ROBO2: variants seen among roughly 807,000 people sequenced by gnomAD.
ROBO2 encodes roundabout guidance receptor 2.
Under a neutral mutation model 160.8 loss-of-function variants are expected in ROBO2, and 53 were observed. That is an observed-to-expected ratio of 0.33 (90% CI 0.26 to 0.41). The LOEUF (loss-of-function observed/expected upper bound fraction) is 0.41, where lower values mean the gene tolerates loss of function less well. Among genes scored for constraint, ROBO2 ranks in the 10% least tolerant of loss-of-function variants. ROBO2 has a pLI of 1.00. For synonymous variants in ROBO2, 664 were observed against 611.7 expected (o/e 1.09, Z -1.26); for missense variants, 1,577 against 1,722.4 (o/e 0.92, Z 1.49).
At chr3:77,569,497 T>C (rs991583246) in intron 13 of ROBO2, among the ~76,000 whole-genome samples, 3 of 152,018 alleles carry the variant, frequency 2.0e-5, no homozygotes, top group African/African-American at 7.2e-5. Flanking sequence ...TCTTGGTCCA[T>C]TTTTGGACAA....
At chr3:76,699,644 A>G (rs2093006008) in intron 2 of ROBO2, among the ~76,000 whole-genome samples, 2 of 152,290 alleles carry the variant, frequency 1.3e-5, no homozygotes, top group South Asian at 4.1e-4. Flanking sequence ...GTTTAAATAC[A>G]TTTCCAGGTT....
chr3:76,448,142 A>T (rs2077294395), intron 2 of ROBO2, among the ~76,000 whole-genome samples: 1 of 152,120 alleles, frequency 6.6e-6, no homozygotes, highest in Admixed American at 6.6e-5. Context: ...TTATAAAAAT[A>T]ATTTTCCAAG....
intron 16 of ROBO2, among the ~76,000 whole-genome samples, chr3:77,587,897 A>G (rs1355107061): frequency 6.6e-6 from 1 of 152,098 alleles, no homozygotes; most frequent in Non-Finnish European, 1.5e-5. Flanking sequence ...AATCTGCTAA[A>G]TAAGCCAATA....
At chr3:76,405,908 G>A (rs971208728) in intron 2 of ROBO2, among the ~76,000 whole-genome samples, 10 of 151,662 alleles carry the variant, frequency 6.6e-5, no homozygotes, top group Admixed American at 5.9e-4. Context: ...GTAATACACT[G>A]AAGGTTTTTG....
At chr3:77,415,645 A>G (rs955429555) in intron 2 of ROBO2, among the ~76,000 whole-genome samples, 5 of 152,088 alleles carry the variant, frequency 3.3e-5, no homozygotes, top group African/African-American at 1.2e-4. Context: ...AACCCAGGGT[A>G]GGGCACAGGT....
At chr3:76,626,959 G>A (rs555919414) in intron 2 of ROBO2, among the ~76,000 whole-genome samples, 523 of 152,222 alleles carry the variant, frequency 3.4e-3, no homozygotes, top group Non-Finnish European at 5.7e-3. Context: ...CAAAGTGCTG[G>A]GATTACAGGC....
intron 2 of ROBO2, among the ~76,000 whole-genome samples, chr3:76,262,588 C>T (rs571218189): frequency 2.6e-5 from 4 of 152,220 alleles, no homozygotes; most frequent in African/African-American, 9.6e-5. Flanking sequence ...TACTTATATA[C>T]TTGGGGTTGT....
intron 2 of ROBO2, among the ~76,000 whole-genome samples, chr3:76,714,625 G>A (rs9867288): frequency 0.016 from 2,417 of 152,162 alleles, 57 homozygotes; most frequent in African/African-American, 0.054. Context: ...AGTGACTAGG[G>A]GACCCCCATA....
At chr3:77,080,222 C>A (rs933468080) in intron 1 of ROBO2, among the ~76,000 whole-genome samples, 1 of 152,120 alleles carries the variant, frequency 6.6e-6, no homozygotes, top group African/African-American at 2.4e-5. Context: ...CCGTAAGTCA[C>A]GTACCTATTC....
At chr3:76,277,307 A>G (rs932393682) in intron 2 of ROBO2, among the ~76,000 whole-genome samples, 1 of 152,022 alleles carries the variant, frequency 6.6e-6, no homozygotes, top group Admixed American at 6.6e-5. Context: ...AACAACAGCA[A>G]CAACAAACAA....
At position 76,826,034 on chromosome 3, in the gene ROBO2, T is replaced by G. The variant is rs181048604; in HGVS notation, c.110-271980T>G. Among the ~76,000 whole-genome samples the G allele has an allele frequency of 3.3e-4, 50 of 150,460 alleles. 1 individual carries two copies. Among genetic ancestry groups the G allele is most frequent in the African/African-American group, 1.2e-3 (48 of 41,070 alleles). On this transcript the variant is annotated intron_variant, in intron 2 of 26. Coordinates refer to the ROBO2 transcript ENST00000487694. ...ATCAAAAGCATTCTTTTAGGCACAT[T>G]CAATCAGTGAGTTTGTGGGTTTTTT...
At chr3:76,675,543 G>A (rs1251384761) in intron 2 of ROBO2, among the ~76,000 whole-genome samples, 6 of 152,148 alleles carry the variant, frequency 3.9e-5, no homozygotes, top group Non-Finnish European at 8.8e-5. Context: ...ACAATGACCT[G>A]CAAATTAACC....
rs144290746 is a variant in ROBO2, at chr3:76,539,215, G to A, written c.110-558799G>A. On this transcript the variant is annotated intron_variant, in intron 2 of 26. Coordinates refer to the ROBO2 transcript ENST00000487694. Reference sequence around the variant, plus strand: ...GTCGGGGGATGAGAGGAAAGGGGAGGGAGAGCATTAGGATAAATATGTAAT... The same window carrying A: ...GTCGGGGGATGAGAGGAAAGGGGAGAGAGAGCATTAGGATAAATATGTAAT... Among the ~76,000 whole-genome samples the A allele has an allele frequency of 2.9e-4, 44 of 152,118 alleles. 2 individuals are homozygous for A. Among genetic ancestry groups the A allele is most frequent in the South Asian group, 2.7e-3 (13 of 4,816 alleles).
chr3:77,625,393 T>C (rs941084585), intron 23 of ROBO2, among the ~76,000 whole-genome samples: 1 of 152,036 alleles, frequency 6.6e-6, no homozygotes. Context: ...CTTCTTTTTT[T>C]TTTTTGTCGG....
chr3:76,908,809 A>G (rs534600834), intron 2 of ROBO2, among the ~76,000 whole-genome samples: 7 of 152,256 alleles, frequency 4.6e-5, no homozygotes, highest in Non-Finnish European at 7.3e-5. Flanking sequence ...TGGGTTGATT[A>G]GAATTATAAC....
chr3:77,245,167 C>T (rs564776163), intron 2 of ROBO2, among the ~76,000 whole-genome samples: 77 of 152,132 alleles, frequency 5.1e-4, no homozygotes, highest in Admixed American at 2.4e-3. Flanking sequence ...TTTAATAAGG[C>T]GCCTGTCATA....
intron 17 of ROBO2, 29 bp from the exon 19 acceptor site, chr3:77,595,113 C>T (rs1242359845): frequency 1.3e-6 from 2 of 1,587,354 alleles, no homozygotes; most frequent in African/African-American, 1.3e-5. Context: ...CTTGTGTGTG[C>T]ATGTCTTCCT....
intron 2 of ROBO2, among the ~76,000 whole-genome samples, chr3:76,657,714 A>G (rs28863796): frequency 7.4e-6 from 1 of 135,746 alleles, no homozygotes; most frequent in African/African-American, 3.3e-5. Context: ...ATATGTGTGT[A>G]TATATATTCA....
At chr3:76,676,026 C>T (rs1298870221) in intron 2 of ROBO2, among the ~76,000 whole-genome samples, 1 of 152,068 alleles carries the variant, frequency 6.6e-6, no homozygotes, top group Non-Finnish European at 1.5e-5. Flanking sequence ...ATAATCAGAA[C>T]ATATGCTATA....
Sources: allele counts gnomAD v4.1 joint callset (sites outside exome capture counted in the v4.1 genomes callset), GRCh38; gene constraint gnomAD v4.1.1; transcripts MANE v1.5; gene names NCBI Gene and HGNC (gene_info 2026-07-23, HGNC 2026-07-21).